AVEN: variants seen among roughly 807,000 people sequenced by gnomAD.
AVEN encodes the protein cell death regulator Aven.
A neutral mutation model predicts 38.1 loss-of-function variants in AVEN; 41 were observed. That is an observed-to-expected ratio of 1.08 (90% CI 0.84 to 1.40). AVEN has a LOEUF of 1.40. AVEN is among the 40% of genes most tolerant of loss of function. The pLI is 0.00. For missense variants in AVEN, 605 were observed against 438.8 expected, an observed-to-expected ratio of 1.38 and a Z score of -3.38; for synonymous variants, 206 against 171.8, an observed-to-expected ratio of 1.20 and a Z score of -1.56.
intron 2 of AVEN, among the ~76,000 whole-genome samples, chr15:33,890,182 T>G (rs534868187): frequency 2.0e-5 from 3 of 152,334 alleles, no homozygotes; most frequent in African/African-American, 7.2e-5. Context: ...TTCAGTAGTC[T>G]GAGGTATATA....
At chr15:34,007,151 C>A (rs527839828) in intron 1 of AVEN, 1 of 592,970 alleles carries the variant, frequency 1.7e-6, no homozygotes, top group Non-Finnish European at 2.1e-6. Context: ...GAGCTATTAT[C>A]TTGTCCAATG....
At position 33,931,413 on chromosome 15, in the gene AVEN, C is replaced by T. The variant is rs1256290824; in HGVS notation, c.446-55418G>A. On this transcript the variant is annotated intron_variant, in intron 2 of 5. Transcript: ENST00000306730. ...TGAGACGGAGTCTTGCTCTGTCACCCGGGCTGGAGTGCAGTGGCACAATCT... is the reference window on the plus strand; with the variant it reads ...TGAGACGGAGTCTTGCTCTGTCACCTGGGCTGGAGTGCAGTGGCACAATCT... 9.1e-5 allele frequency among the ~76,000 whole-genome samples: 11 copies of T among 120,678 alleles called. No homozygotes were observed. The South Asian group carries it at 1.1e-3, about 12-fold the overall frequency. 79.2% of individuals were successfully genotyped at this position (120,678 alleles called of 152,430 possible). A position where few individuals can be genotyped will look rare whatever the true frequency, so the allele number is the denominator to read the frequency against.
rs66519745 is a variant in AVEN, at chr15:34,029,517, CAAAAAAA to C, written c.267+9256_267+9262del. Among the ~76,000 whole-genome samples, 210 of 118,684 alleles carry C rather than the reference CAAAAAAA, an allele frequency of 1.8e-3. 1 individual carries two copies. The East Asian group carries it at 0.02, about 11-fold the overall frequency. The allele number at this position is 118,684 out of a possible 152,430, so 77.9% of individuals were successfully genotyped here. On this transcript the variant is annotated intron_variant, in intron 1 of 5. Coordinates refer to ENST00000306730, the MANE Select transcript of AVEN (RefSeq NM_020371.3). ...GCAACATAGGTAGACCCTATTTCTA[CAAAAAAA>C]AAAAAAAAAAAAAAAAATTGAAAAG... is the stretch of plus-strand genomic sequence containing the variant.
At chr15:33,883,233 T>TGTGTA (rs1313659890) in intron 2 of AVEN, among the ~76,000 whole-genome samples, 1 of 152,200 alleles carries the variant, frequency 6.6e-6, no homozygotes, top group East Asian at 1.9e-4. Context: ...GTATTGCAAA[T>TGTGTA]GTGTAGTGTA....
rs762280733 is a variant in AVEN at position 34,063,684 on chromosome 15, G to C, written n.1127-252C>G. On this transcript the variant is annotated intron_variant and non_coding_transcript_variant, in intron 4 of 11. Transcript: ENST00000675287. This position sits in a 1 kb window ranked among gnomAD's most constrained non-coding sequence, Gnocchi z 4.1. ...GCCCGCCACTGACCCTGTCCTCCAA[G>C]TGGTCTACAAGAGTCAGGGTAAGGA... The C allele has an allele frequency of 1.9e-6, 3 of 1,614,198 alleles. No homozygotes were observed. Among genetic ancestry groups the C allele is most frequent in the Non-Finnish European group, 8.5e-7 (1 of 1,180,046 alleles).
chr15:34,044,375 A>T (rs1364447063), intron 5 of AVEN, among the ~76,000 whole-genome samples: 1 of 152,170 alleles, frequency 6.6e-6, no homozygotes, highest in African/African-American at 2.4e-5. Context: ...GATACAGTTG[A>T]TTACTCCTTC....
At chr15:33,992,509 T>A (rs1030799780) in intron 2 of AVEN, among the ~76,000 whole-genome samples, 1 of 152,210 alleles carries the variant, frequency 6.6e-6, no homozygotes, top group Non-Finnish European at 1.5e-5. Flanking sequence ...CAATTGAAAA[T>A]TTTTTTAGCC....
intron 1 of AVEN, among the ~76,000 whole-genome samples, chr15:34,007,229 G>T (rs1394726006): frequency 6.6e-6 from 1 of 152,152 alleles, no homozygotes; most frequent in African/African-American, 2.4e-5. Flanking sequence ...TTAATGTTTT[G>T]CAGCTTTTCC....
intron 1 of AVEN, among the ~76,000 whole-genome samples, chr15:34,033,261 G>A (rs1253258223): frequency 3.9e-5 from 6 of 152,084 alleles, no homozygotes; most frequent in South Asian, 2.1e-4. Flanking sequence ...ATCCTAGCAC[G>A]TCAGGAGGCA....
intron 11 of AVEN, chr15:33,860,954 A>G: frequency 1.4e-6 from 1 of 730,166 alleles, no homozygotes; most frequent in Non-Finnish European, 2.3e-6. Context: ...TGAGTGAATG[A>G]CTAATAGCCA....
chr15:33,953,765 CA>C (rs1313239102), intron 2 of AVEN, among the ~76,000 whole-genome samples: 2 of 152,132 alleles, frequency 1.3e-5, no homozygotes, highest in Non-Finnish European at 2.9e-5. Context: ...ATAGCAATGG[CA>C]ACAAAAGCCA....
chr15:33,877,014 T>C (rs566850210), intron 2 of AVEN, among the ~76,000 whole-genome samples: 1 of 152,296 alleles, frequency 6.6e-6, no homozygotes, highest in South Asian at 2.1e-4. Context: ...TAAATTAATA[T>C]AAACCAATCC....
At chr15:33,858,041 A>G (rs746324196), downstream of AVEN, 15 of 1,216,216 alleles carry the variant, frequency 1.2e-5, no homozygotes, top group Non-Finnish European at 1.5e-5. Context: ...AGAGCACAGC[A>G]GAGATTAAAG....
At chr15:33,853,140 T>A in the AVEN span, 2 of 1,453,714 alleles carry the variant, frequency 1.4e-6, no homozygotes, top group Non-Finnish European at 1.9e-6. Flanking sequence ...ATGTGGTGTA[T>A]GTTTTTTAAG....
At chr15:34,035,482 G>C (rs917649761) in intron 1 of AVEN, among the ~76,000 whole-genome samples, 1 of 152,076 alleles carries the variant, frequency 6.6e-6, no homozygotes, top group East Asian at 1.9e-4. Flanking sequence ...AGCAGCAGTC[G>C]AAAGAACAGG....
intron 5 of AVEN, chr15:34,062,572 A>AAAC (rs35767926): frequency 2.4e-4 from 160 of 657,322 alleles, no homozygotes; most frequent in Non-Finnish European, 2.6e-4. Flanking sequence ...AAAAAAAAAA[A>AAAC]AACTATAAAC....
intron 1 of AVEN, among the ~76,000 whole-genome samples, chr15:34,027,050 C>T (rs914748182): frequency 6.6e-6 from 1 of 152,194 alleles, no homozygotes; most frequent in Non-Finnish European, 1.5e-5. Flanking sequence ...CAAACCCACT[C>T]TACTACAAAA....
intron 2 of AVEN, among the ~76,000 whole-genome samples, chr15:33,987,344 G>C (rs999102621): frequency 1.3e-5 from 2 of 152,110 alleles, no homozygotes; most frequent in African/African-American, 2.4e-5. Flanking sequence ...ATGCTGGCTT[G>C]CTTTTTATTT....
chr15:34,015,986 C>T lies in AVEN; in HGVS notation c.268-12777G>A, dbSNP rs138946721. 2.7e-3 allele frequency among the ~76,000 whole-genome samples: 408 copies of T among 152,220 alleles called. 5 individuals are homozygous for T. The highest frequency in any genetic ancestry group is 8.9e-3 in the African/African-American group (369 of 41,554). On this transcript the variant is annotated intron_variant, in intron 1 of 5. Coordinates refer to ENST00000306730, the MANE Select transcript of AVEN (RefSeq NM_020371.3). ...ACAGTAACCATTATGTGACATAAAA[C>T]TGGAAAGCGGCTGGGCGCGGTGGCT...
Sources: allele counts gnomAD v4.1 joint callset (sites outside exome capture counted in the v4.1 genomes callset), GRCh38; gene constraint gnomAD v4.1.1; non-coding constraint Gnocchi (gnomAD v3.1); transcripts MANE v1.5; gene names NCBI Gene and HGNC (gene_info 2026-07-23, HGNC 2026-07-21).